LIG3: variants seen among roughly 807,000 people sequenced by gnomAD.
LIG3 encodes the protein DNA ligase 3.
In LIG3, 58 loss-of-function variants were observed where a neutral mutation model predicts 110.9. That is an observed-to-expected ratio of 0.52 (90% CI 0.42 to 0.65). LIG3 has a LOEUF of 0.65. Ranked by LOEUF, LIG3 falls within the 30% of genes least tolerant of loss-of-function variation. The pLI is 0.00. For synonymous variants in LIG3, 422 were observed against 472.8 expected, an observed-to-expected ratio of 0.89 and a Z score of 1.39; for missense variants, 1,094 against 1,273.8, an observed-to-expected ratio of 0.86 and a Z score of 2.15.
In LIG3 at chr17:34,980,550, C is replaced by T. The variant is rs907031788; in HGVS notation, c.-77C>T. 39 of 1,287,088 alleles carry T rather than the reference C, an allele frequency of 3.0e-5. No individual in the cohort carries two copies. Among genetic ancestry groups the T allele is most frequent in the Non-Finnish European group, 3.8e-5 (38 of 987,540 alleles). The allele number at this position is 1,287,088 out of a possible 1,614,324, so 79.7% of individuals were successfully genotyped here. On this transcript the variant is annotated 5_prime_UTR_variant, in exon 1 of 20. Coordinates refer to ENST00000378526, the MANE Select transcript of LIG3 (RefSeq NM_013975.4). ...GATTTAAAGAGACAGGCGCTCCAAC[C>T]GTCGTGGGCTGCCCGCGGCCTGTAA...
rs201814781 is a variant in LIG3 at position 34,989,496 on chromosome 17, C to T, written c.722C>T (p.Ser241Leu). Residue 241 changes from serine (S) to leucine (L), a missense_variant, in exon 4 of 20, where the codon TCG (serine) becomes TTG (leucine). Physicochemically the swap from Ser to Leu is moderately radical, Grantham distance 145. Coordinates refer to ENST00000378526, the MANE Select transcript of LIG3 (RefSeq NM_013975.4). ...CCCAACAACTCTGGGGAAGCCCCCT[C>T]GAGCCCCACCCCTAAGAGAAGTCTG... The part of the protein sequence containing the change: ...AKPNNSGEAP[S>L]SPTPKRSLSS... 241 of 1,614,050 alleles carry T rather than the reference C, an allele frequency of 1.5e-4. No individual in the cohort carries two copies. Among genetic ancestry groups the T allele is most frequent in the Middle Eastern group, 1.5e-3 (9 of 6,062 alleles).
intron 8 of LIG3, 164 bp from the exon 9 acceptor site, chr17:34,994,112 C>T (rs1044060744): frequency 1.5e-5 from 9 of 582,162 alleles, no homozygotes; most frequent in African/African-American, 1.1e-4. Context: ...CAGCCCTTTC[C>T]GTTCCCATCA....
chr17:34,992,565 C>A lies in LIG3; in HGVS notation c.1328C>A (p.Ala443Asp). ...CCCAATGCCTATGAAGCCTTCAAAGCCTCGCGCAACCTGCAGGATGTGGTG... is the reference window on the plus strand; with the variant it reads ...CCCAATGCCTATGAAGCCTTCAAAGACTCGCGCAACCTGCAGGATGTGGTG... ...LDPNAYEAFK[A>D]SRNLQDVVER... is the part of the protein sequence containing the mutation. The change falls in exon 8 of 20, where the codon GCC (alanine) becomes GAC (aspartate). Residue 443 changes from alanine to aspartate, a missense_variant. By Grantham distance (126) the Ala-to-Asp change is moderately radical. Coordinates refer to ENST00000378526, the MANE Select transcript of LIG3 (RefSeq NM_013975.4). 1 of 1,612,464 alleles carries A rather than the reference C, an allele frequency of 6.2e-7. No individual in the cohort carries two copies.
Position 35,001,137 on chromosome 17 carries a change from C to T in LIG3, c.2332-120C>T, listed in dbSNP as rs546019467. 5.9e-6 allele frequency: 6 copies of T among 1,019,738 alleles called. No individual in the cohort carries two copies. The Admixed American group carries it at 1.3e-4, about 22-fold the overall frequency. The allele number at this position is 1,019,738 out of a possible 1,614,324, so 63.2% of individuals were successfully genotyped here. ...GCCAGGCTGGTCTCAAACTCCTGAC[C>T]TCAAGTAATCTGCCCACCTCAGCCT... On this transcript the variant is annotated intron_variant, in intron 16 of 19. Coordinates refer to ENST00000378526, the MANE Select transcript of LIG3 (RefSeq NM_013975.4).
At position 34,991,695 on chromosome 17, in the gene LIG3, GTCT is replaced by G. The variant is rs2090722165; in HGVS notation, c.1071_1073del (p.Phe358del). 6 of 1,614,008 alleles carry G rather than the reference GTCT, an allele frequency of 3.7e-6. No homozygotes were observed. The East Asian group carries it at 1.1e-4, about 30-fold the overall frequency. Reference sequence around the variant, plus strand: ...GGGTGACGTGTCAGAGACAATCAGAGTCTTCTTTGAGCAGAGCAAGTCTTTCCC... The same window carrying G: ...GGGTGACGTGTCAGAGACAATCAGAGTCTTTGAGCAGAGCAAGTCTTTCCC... On this transcript the variant is annotated inframe_deletion, in exon 6 of 20. Coordinates refer to ENST00000378526, the MANE Select transcript of LIG3 (RefSeq NM_013975.4).
intron 2 of LIG3, among the ~76,000 whole-genome samples, chr17:34,985,222 C>T (rs1391596625): frequency 6.6e-6 from 1 of 152,144 alleles, no homozygotes; most frequent in African/African-American, 2.4e-5. Flanking sequence ...AAATTTTATG[C>T]CAATACCCCC....
chr17:34,995,995 C>T (rs908637356), intron 9 of LIG3, 69 bp from the exon 10 acceptor site: 1 of 1,561,324 alleles, frequency 6.4e-7, no homozygotes, highest in Non-Finnish European at 8.7e-7. Flanking sequence ...CGGGCTTTGC[C>T]CTCCATGGCA....
chr17:34,989,089 G>A (rs1009263512), intron 3 of LIG3, among the ~76,000 whole-genome samples: 1 of 151,910 alleles, frequency 6.6e-6, no homozygotes, highest in South Asian at 2.1e-4. Context: ...CAGTCCTCCC[G>A]CGTTGGCCTC....
chr17:34,989,741 G>T (rs2090698288), intron 4 of LIG3, 78 bp downstream of exon 4: 1 of 1,345,152 alleles, frequency 7.4e-7, no homozygotes, highest in Admixed American at 1.7e-5. Context: ...CATGTGAGCT[G>T]TATAGTTGCC....
At chr17:35,002,858 C>G (rs1341744329) in intron 19 of LIG3, 69 bp downstream of exon 19, 2 of 1,573,826 alleles carry the variant, frequency 1.3e-6, no homozygotes, top group Non-Finnish European at 1.7e-6. Context: ...ACCTTCTGTA[C>G]AAGAAGTTTG....
chr17:34,986,246 G>A, intron 3 of LIG3, 115 bp downstream of exon 3: 1 of 1,041,922 alleles, frequency 9.6e-7, no homozygotes, highest in South Asian at 1.5e-5. Context: ...TTAATAATTT[G>A]CTTCTGTCTG....
chr17:34,989,558 C>G lies in LIG3; in HGVS notation c.784C>G (p.Leu262Val). The G allele has an allele frequency of 6.2e-7, 1 of 1,614,130 alleles. No individual in the cohort carries two copies. The highest frequency in any genetic ancestry group is 8.5e-7 in the Non-Finnish European group (1 of 1,180,036). Residue 262 changes from leucine (L) to valine (V), a missense_variant, in exon 4 of 20, where the codon CTG becomes GTG. Transcript: ENST00000378526. Reference protein sequence around the residue: ...SKCDPRHKDCLLREFRKLCAM... With the variant: ...SKCDPRHKDCVLREFRKLCAM... ...ATGTGACCCCAGGCATAAGGACTGTCTGCTACGGGAGTTTCGAAAGTTATG... is the reference window on the plus strand; with the variant it reads ...ATGTGACCCCAGGCATAAGGACTGTGTGCTACGGGAGTTTCGAAAGTTATG...
At position 34,994,381 on chromosome 17, in the gene LIG3, G is replaced by C; in HGVS notation, c.1561G>C (p.Asp521His). 1 of 1,614,158 alleles carries C rather than the reference G, an allele frequency of 6.2e-7. No individual in the cohort carries two copies. The highest frequency in any genetic ancestry group is 8.5e-7 in the Non-Finnish European group (1 of 1,180,028). ...GERVQVHKNGDHFSYFSRSLK... is the reference protein window; with the variant it reads ...GERVQVHKNGHHFSYFSRSLK... The stretch of plus-strand genomic sequence containing the variant: ...GCGAGTCCAGGTGCATAAGAATGGA[G>C]ACCACTTCAGCTACTTCAGCCGCAG... The change falls in exon 9 of 20, where the codon GAC becomes CAC. Residue 521 changes from aspartate to histidine, a missense_variant. Asp to His is a moderately conservative substitution (Grantham distance 81). Transcript: ENST00000378526.
In LIG3 at chr17:35,005,735, G is replaced by A; in HGVS notation, c.*1229G>A. ...GAATGAAACTGCCGGGCTATCTGAT[G>A]GGTTAGAGCGCCTTTAAGAAGAAAT... On this transcript the variant is annotated 3_prime_UTR_variant, in exon 20 of 20. Coordinates refer to ENST00000378526, the MANE Select transcript of LIG3 (RefSeq NM_013975.4). The A allele has an allele frequency of 1.8e-6, 1 of 561,334 alleles. No individual in the cohort carries two copies. Among genetic ancestry groups the A allele is most frequent in the Non-Finnish European group, 3.6e-6 (1 of 279,918 alleles). 34.8% of individuals were successfully genotyped at this position (561,334 alleles called of 1,614,324 possible).
chr17:34,994,370 A>G lies in LIG3; in HGVS notation c.1550A>G (p.His517Arg), dbSNP rs757957662. 8.7e-6 allele frequency: 14 copies of G among 1,614,082 alleles called. No individual in the cohort carries two copies. The highest frequency in any genetic ancestry group is 2.2e-5 in the East Asian group (1 of 44,898). Residue 517 changes from histidine (H) to arginine (R), a missense_variant, in exon 9 of 20, where the codon CAT becomes CGT. Physicochemically the swap from His to Arg is conservative, Grantham distance 29. Coordinates refer to ENST00000378526, the MANE Select transcript of LIG3 (RefSeq NM_013975.4). ...IKYDGERVQV[H>R]KNGDHFSYFS... The stretch of plus-strand genomic sequence containing the variant: ...TACGATGGAGAGCGAGTCCAGGTGC[A>G]TAAGAATGGAGACCACTTCAGCTAC...
At chr17:35,002,961 G>A (rs1247329301) in intron 19 of LIG3, 172 bp downstream of exon 19, 4 of 1,613,592 alleles carry the variant, frequency 2.5e-6, no homozygotes, top group Non-Finnish European at 3.4e-6. Flanking sequence ...CAGCAATGCT[G>A]CTGCTCACCC....
intron 1 of LIG3, among the ~76,000 whole-genome samples, chr17:34,982,287 CA>C (rs1165201348): frequency 6.6e-6 from 1 of 152,076 alleles, no homozygotes; most frequent in Non-Finnish European, 1.5e-5. Context: ...CTGAGGATGG[CA>C]TATGTGTTAA....
At chr17:34,990,662 G>C (rs183662671) in intron 4 of LIG3, among the ~76,000 whole-genome samples, 3 of 152,244 alleles carry the variant, frequency 2.0e-5, no homozygotes, top group East Asian at 3.9e-4. Flanking sequence ...ACAGTGGTGT[G>C]ATCACAGCTC....
At position 34,992,531 on chromosome 17, in the gene LIG3, G is replaced by A. The variant is rs1597795703; in HGVS notation, c.1294G>A (p.Ala432Thr). 2.5e-6 allele frequency: 4 copies of A among 1,588,324 alleles called. No homozygotes were observed. Among genetic ancestry groups the A allele is most frequent in the East Asian group, 2.2e-5 (1 of 44,584 alleles). ...MNSGAKHVLD[A>T]LDPNAYEAFK... is the part of the protein sequence containing the mutation. ...TCCTGTACCCCTTGGCAGGTTAGAC[G>A]CCCTTGACCCCAATGCCTATGAAGC... is the stretch of plus-strand genomic sequence containing the variant. Residue 432 changes from alanine (A) to threonine (T), a missense_variant, in exon 8 of 20, where the codon GCC (alanine) becomes ACC (threonine). Ala to Thr is a moderately conservative substitution (Grantham distance 58). Coordinates refer to ENST00000378526, the MANE Select transcript of LIG3 (RefSeq NM_013975.4).
Sources: gnomAD v4.1 joint callset for allele counts (sites outside exome capture counted in the v4.1 genomes callset) on GRCh38, gnomAD v4.1.1 for gene constraint, MANE v1.5 for transcripts, NCBI Gene and HGNC (gene_info 2026-07-23, HGNC 2026-07-21) for gene names.